Variants in PCNX2 observed in about 807,000 individuals in gnomAD.
PCNX2 encodes pecanex 2.
PCNX2 carries 168 observed loss-of-function variants against 223.8 expected under a neutral mutation model. That is an observed-to-expected ratio of 0.75 (90% CI 0.66 to 0.85). The LOEUF (loss-of-function observed/expected upper bound fraction) is 0.85. PCNX2 is among the 40% of genes least tolerant of loss of function. The pLI is 0.00. For synonymous variants in PCNX2, 1,006 were observed against 1,052.6 expected, an observed-to-expected ratio of 0.96 and a Z score of 0.86; for missense variants, 2,507 against 2,675.5, an observed-to-expected ratio of 0.94 and a Z score of 1.39.
chr1:233,174,105 T>C (rs1346641591), intron 17 of PCNX2, among the ~76,000 whole-genome samples: 1 of 144,450 alleles, frequency 6.9e-6, no homozygotes. Context: ...TATATTTAAT[T>C]TGTATATTAT....
In PCNX2 at chr1:233,252,011, T is replaced by C. The variant is rs181399770; in HGVS notation, c.2128+343A>G. Among the ~76,000 whole-genome samples, 15 of 152,380 alleles carry C rather than the reference T, an allele frequency of 9.8e-5. No individual in the cohort carries two copies. In the East Asian group the frequency reaches 2.9e-3, roughly 29 times the overall value. ...GGAAATGCCATTAATCAAATTATTA[T>C]ACAAGCTGTAATATTATCAAAGAAC... On this transcript the variant is annotated intron_variant, in intron 7 of 33. Transcript: ENST00000258229.
Position 233,139,825 on chromosome 1 carries a change from A to G in PCNX2, c.3548T>C (p.Leu1183Pro). The G allele has an allele frequency of 6.2e-7, 1 of 1,613,560 alleles. No homozygotes were observed. Among genetic ancestry groups the G allele is most frequent in the Non-Finnish European group, 8.5e-7 (1 of 1,179,798 alleles). ...TTCAAAACACTGAAGCCAAACATAG[A>G]GTCTTTCGAACCACATTAAATGGGC... Reference protein sequence around the residue: ...DVAHLMWFERLYVWLQCFEKY... With the variant: ...DVAHLMWFERPYVWLQCFEKY... The change falls in exon 20 of 34, where the codon CTC becomes CCC. Residue 1183 changes from leucine (L) to proline (P), a missense_variant. By Grantham distance (98) the Leu-to-Pro change is moderately conservative. Transcript: ENST00000258229. The surrounding 1 kb of genome is among the most constrained non-coding windows in gnomAD (Gnocchi z 4.4).
intron 9 of PCNX2, among the ~76,000 whole-genome samples, chr1:233,227,826 T>C (rs1657837811): frequency 6.6e-6 from 1 of 152,228 alleles, no homozygotes. Context: ...TCTAGGTTAT[T>C]GGTGAAGCCT....
rs191969465 is a variant in PCNX2 at position 233,175,402 on chromosome 1, T to C, written c.3273+2400A>G. ...ATCACATCTAATTATACCAATGAAA[T>C]ACTATCAACCTCTGCTGGGCAAATT... On this transcript the variant is annotated intron_variant, in intron 17 of 33. Transcript: ENST00000258229. Among the ~76,000 whole-genome samples, 80 of 152,328 alleles carry C rather than the reference T, an allele frequency of 5.3e-4. 2 individuals are homozygous for C. Among genetic ancestry groups the C allele is most frequent in the Non-Finnish European group, 1.5e-4 (10 of 68,034 alleles).
chr1:233,088,313 C>G (rs1673702433), intron 23 of PCNX2, among the ~76,000 whole-genome samples: 1 of 152,258 alleles, frequency 6.6e-6, no homozygotes, highest in East Asian at 1.9e-4. Context: ...AAAAAGAAAT[C>G]TTTTGTACTG....
At chr1:232,987,184 C>T (rs370868743) in intron 32 of PCNX2, among the ~76,000 whole-genome samples, 3 of 152,386 alleles carry the variant, frequency 2.0e-5, no homozygotes, top group East Asian at 3.9e-4. Flanking sequence ...CACTGCCTCG[C>T]CCCTCAGGGG....
At chr1:233,116,109 A>G (rs1675391696) in intron 21 of PCNX2, among the ~76,000 whole-genome samples, 1 of 152,232 alleles carries the variant, frequency 6.6e-6, no homozygotes, top group Admixed American at 6.5e-5. Context: ...AACAAACAAT[A>G]GAAATGCAAA....
At chr1:233,099,952 G>T (rs1485572280) in intron 21 of PCNX2, among the ~76,000 whole-genome samples, 3 of 152,120 alleles carry the variant, frequency 2.0e-5, no homozygotes, top group Non-Finnish European at 4.4e-5. Context: ...ACAGTTTGAG[G>T]TCTTTGTTTT....
chr1:233,022,608 G>C (rs988556812), intron 26 of PCNX2, among the ~76,000 whole-genome samples: 1 of 151,590 alleles, frequency 6.6e-6, no homozygotes, highest in Non-Finnish European at 1.5e-5. Context: ...GAGAGATGGG[G>C]GGGGAGTGGG....
At chr1:233,324,264 C>T in the PCNX2 span, among the ~76,000 whole-genome samples, 1 of 152,208 alleles carries the variant, frequency 6.6e-6, no homozygotes, top group East Asian at 1.9e-4. Context: ...GAAGCTGCAA[C>T]TAGTTATCCA....
At position 233,169,644 on chromosome 1, in the gene PCNX2, C is replaced by CAAAAAAAAA. The variant is rs200439765; in HGVS notation, c.3273+8149_3273+8157dup. ...TGGGCGACAGAGCGAAACTCCGTCT[C>CAAAAAAAAA]AAAAAAAAAAAAAAAATGTGACACA... On this transcript the variant is annotated intron_variant, in intron 17 of 33. Transcript: ENST00000258229. 3.3e-4 allele frequency among the ~76,000 whole-genome samples: 23 copies of CAAAAAAAAA among 68,888 alleles called. No individual in the cohort carries two copies. The South Asian group carries it at 8.7e-3, about 26-fold the overall frequency. The allele number at this position is 68,888 out of a possible 152,430, so 45.2% of individuals were successfully genotyped here.
intron 1 of PCNX2, among the ~76,000 whole-genome samples, chr1:233,268,122 G>T (rs1381763192): frequency 1.3e-5 from 2 of 152,168 alleles, no homozygotes; most frequent in Non-Finnish European, 2.9e-5. Context: ...ATGTTGGCCA[G>T]GCTGGCAGCA....
intron 9 of PCNX2, among the ~76,000 whole-genome samples, chr1:233,230,817 T>TA (rs1658017603): frequency 1.3e-5 from 2 of 152,198 alleles, no homozygotes; most frequent in African/African-American, 4.8e-5. Flanking sequence ...TTATTATCAG[T>TA]ATATTCTTCT....
chr1:232,999,439 GTT>G (rs1044528987), intron 30 of PCNX2, 60 bp from the exon 31 acceptor site: 1 of 1,389,118 alleles, frequency 7.2e-7, no homozygotes, highest in African/African-American at 1.5e-5. Context: ...CAGTCTATTG[GTT>G]TTTTCTTTTT....
chr1:233,047,344 A>G (rs1477356524), intron 25 of PCNX2: 2 of 973,446 alleles, frequency 2.1e-6, no homozygotes, highest in African/African-American at 3.5e-5. Context: ...GAGCTGACAG[A>G]CAGAAAAAGC....
At chr1:233,005,241 T>C (rs1670239135) in intron 28 of PCNX2, among the ~76,000 whole-genome samples, 1 of 152,154 alleles carries the variant, frequency 6.6e-6, no homozygotes, top group African/African-American at 2.4e-5. Flanking sequence ...GAGAAAAAGC[T>C]TTCTCCAGAT....
At position 233,200,129 on chromosome 1, in the gene PCNX2, G is replaced by A. The variant is rs184991675; in HGVS notation, c.2974+25C>T. On this transcript the variant is annotated intron_variant, in intron 14 of 33. Coordinates refer to ENST00000258229, the MANE Select transcript of PCNX2 (RefSeq NM_014801.4). ...ATCTGAACTCTGAATTCCTTTACAGGAAGAATAGAATGTAAACGACTTACC... is the reference window on the plus strand; with the variant it reads ...ATCTGAACTCTGAATTCCTTTACAGAAAGAATAGAATGTAAACGACTTACC... 2.9e-3 allele frequency: 4,298 copies of A among 1,490,814 alleles called. 9 individuals are homozygous for A. Among genetic ancestry groups the A allele is most frequent in the Middle Eastern group, 4.7e-3 (27 of 5,790 alleles). The allele number at this position is 1,490,814 out of a possible 1,614,324, so 92.3% of individuals were successfully genotyped here.
chr1:233,255,149 G>A (rs1023515273), intron 5 of PCNX2, among the ~76,000 whole-genome samples: 1 of 152,104 alleles, frequency 6.6e-6, no homozygotes, highest in Admixed American at 6.5e-5. Context: ...ACTATTTCTG[G>A]CAAACAATCC....
At chr1:233,242,731 T>C (rs561950333) in intron 8 of PCNX2, among the ~76,000 whole-genome samples, 1 of 152,268 alleles carries the variant, frequency 6.6e-6, no homozygotes, top group East Asian at 1.9e-4. Flanking sequence ...CAAAAACACA[T>C]TTCAACTTTC....
Sources: gnomAD v4.1 joint callset for allele counts (sites outside exome capture counted in the v4.1 genomes callset) on GRCh38, gnomAD v4.1.1 for gene constraint, Gnocchi (gnomAD v3.1) non-coding constraint, MANE v1.5 for transcripts, NCBI Gene and HGNC (gene_info 2026-07-23, HGNC 2026-07-21) for gene names.